The following SGCD variants were observed in gnomAD, a reference collection of about 807,000 sequenced individuals.
SGCD encodes the protein sarcoglycan delta.
Under a neutral mutation model 36.6 loss-of-function variants are expected in SGCD, and 18 were observed. The ratio of observed to expected loss-of-function variants is 0.49; its 90% CI spans 0.34 to 0.73. The LOEUF (loss-of-function observed/expected upper bound fraction) is 0.73, where lower values mean the gene tolerates loss of function less well. Ranked by LOEUF, SGCD falls within the 30% of genes least tolerant of loss-of-function variation. The pLI is 0.01. For missense variants in SGCD, 387 were observed against 346.7 expected, an observed-to-expected ratio of 1.12 and a Z score of -0.92; for synonymous variants, 133 against 130.6, an observed-to-expected ratio of 1.02 and a Z score of -0.12.
intron 1 of SGCD, among the ~76,000 whole-genome samples, chr5:156,073,242 C>G (rs1760642779): frequency 1.3e-5 from 2 of 152,136 alleles, no homozygotes; most frequent in South Asian, 2.1e-4. Flanking sequence ...TCTTCTGTAT[C>G]TTACCTGATT....
chr5:156,486,540 C>T (rs779622554), intron 3 of SGCD, among the ~76,000 whole-genome samples: 3 of 152,104 alleles, frequency 2.0e-5, no homozygotes, highest in Admixed American at 6.5e-5. Flanking sequence ...CCCATCTGTA[C>T]TATCCATGAG....
the SGCD span, among the ~76,000 whole-genome samples, chr5:155,752,798 ACCCCTTAAGCTTTTCACATTGG>A: frequency 2.0e-5 from 3 of 151,958 alleles, no homozygotes; most frequent in Non-Finnish European, 4.4e-5. Flanking sequence ...AATGTCAGGA[ACCCCTTAAGCTTTTCACATTGG>A]CCCCTTATAA....
chr5:156,402,497 T>C (rs1772207457), intron 3 of SGCD, among the ~76,000 whole-genome samples: 1 of 152,186 alleles, frequency 6.6e-6, no homozygotes, highest in Non-Finnish European at 1.5e-5. Context: ...TGCCTGTTAC[T>C]GGGGAAACTC....
chr5:156,075,004 G>C (rs1399540683), intron 1 of SGCD, among the ~76,000 whole-genome samples: 1 of 152,168 alleles, frequency 6.6e-6, no homozygotes, highest in Non-Finnish European at 1.5e-5. Context: ...CATGAACCTT[G>C]GTGGGTCACT....
At chr5:156,167,597 T>G (rs1286864742) in intron 3 of SGCD, among the ~76,000 whole-genome samples, 1 of 152,150 alleles carries the variant, frequency 6.6e-6, no homozygotes, top group Admixed American at 6.5e-5. Context: ...TCCCTGGCAA[T>G]GAGTTCACAT....
At chr5:156,743,198 G>A (rs527746103) in intron 7 of SGCD, among the ~76,000 whole-genome samples, 3 of 145,628 alleles carry the variant, frequency 2.1e-5, no homozygotes, top group Non-Finnish European at 3.0e-5. Flanking sequence ...TGCAACCTCC[G>A]CCTCCTGGGT....
chr5:155,984,987 G>A (rs1336658513), intron 1 of SGCD, among the ~76,000 whole-genome samples: 9 of 152,352 alleles, frequency 5.9e-5, no homozygotes, highest in Admixed American at 3.3e-4. Flanking sequence ...GAGTGGAGTA[G>A]TTGAGGTGCT....
At chr5:155,938,240 C>T (rs1395118599) in intron 1 of SGCD, among the ~76,000 whole-genome samples, 1 of 152,176 alleles carries the variant, frequency 6.6e-6, no homozygotes. Context: ...AGCCCTGCCA[C>T]CTGTCTCTTT....
At chr5:156,557,564 T>A (rs1032872193) in intron 4 of SGCD, among the ~76,000 whole-genome samples, 1 of 152,230 alleles carries the variant, frequency 6.6e-6, no homozygotes, top group African/African-American at 2.4e-5. Context: ...TTATGTATTG[T>A]CTGTGATTGC....
At chr5:155,738,192 G>T in the SGCD span, among the ~76,000 whole-genome samples, 2 of 152,130 alleles carry the variant, frequency 1.3e-5, no homozygotes, top group Admixed American at 6.6e-5. Flanking sequence ...TGGAAACTCG[G>T]ATGACTACTT....
At chr5:156,307,295 C>T (rs1429334657) in intron 3 of SGCD, among the ~76,000 whole-genome samples, 3 of 152,148 alleles carry the variant, frequency 2.0e-5, no homozygotes, top group Non-Finnish European at 4.4e-5. Flanking sequence ...ATCCATCCAC[C>T]TTGGCCTCCT....
intron 3 of SGCD, among the ~76,000 whole-genome samples, chr5:156,501,297 A>G (rs539430265): frequency 6.6e-6 from 1 of 152,200 alleles, no homozygotes; most frequent in Non-Finnish European, 1.5e-5. Flanking sequence ...ACCCCACTGC[A>G]GTTAGGCTAC....
chr5:155,729,731 A>C, the SGCD span, among the ~76,000 whole-genome samples: 3 of 152,166 alleles, frequency 2.0e-5, no homozygotes, highest in African/African-American at 7.2e-5. Context: ...GGATAAGGAA[A>C]TGCGCTCCCT....
At chr5:155,799,812 C>CTTTTTTTTT in the SGCD span, among the ~76,000 whole-genome samples, 18 of 58,790 alleles carry the variant, frequency 3.1e-4, no homozygotes, top group African/African-American at 4.1e-4. Flanking sequence ...TCCTATTCCC[C>CTTTTTTTTT]TTTTTTTTTT....
chr5:156,041,346 A>G (rs1038396485), intron 1 of SGCD, among the ~76,000 whole-genome samples: 1 of 152,150 alleles, frequency 6.6e-6, no homozygotes, highest in Non-Finnish European at 1.5e-5. Flanking sequence ...AGATTATCCC[A>G]TTCTCCTCAT....
intron 1 of SGCD, among the ~76,000 whole-genome samples, chr5:156,068,662 G>A (rs935849105): frequency 6.6e-6 from 1 of 151,720 alleles, no homozygotes; most frequent in African/African-American, 2.4e-5. Context: ...TGGGTCAAAT[G>A]GTATTTCTAG....
intron 3 of SGCD, among the ~76,000 whole-genome samples, chr5:156,284,577 C>T (rs966822331): frequency 3.9e-5 from 6 of 151,950 alleles, no homozygotes; most frequent in Non-Finnish European, 4.4e-5. Context: ...AAAACCATAT[C>T]ATTATCTCAA....
At chr5:156,133,274 G>T (rs966648867) in intron 3 of SGCD, among the ~76,000 whole-genome samples, 8 of 152,102 alleles carry the variant, frequency 5.3e-5, no homozygotes, top group African/African-American at 2.4e-5. Flanking sequence ...TTGAGCTAAA[G>T]AAATTTTATA....
At chr5:156,001,968 C>T (rs1012577183) in intron 1 of SGCD, among the ~76,000 whole-genome samples, 3 of 152,078 alleles carry the variant, frequency 2.0e-5, no homozygotes, top group Non-Finnish European at 4.4e-5. Context: ...ACATTGAGAG[C>T]CAGGGTCAAA....
Sources: allele counts gnomAD v4.1 joint callset (sites outside exome capture counted in the v4.1 genomes callset), GRCh38; gene constraint gnomAD v4.1.1; transcripts MANE v1.5; gene names NCBI Gene and HGNC (gene_info 2026-07-23, HGNC 2026-07-21).